Variants in EVI5 observed in about 807,000 individuals in gnomAD.
EVI5 encodes ecotropic viral integration site 5 protein homolog.
EVI5 carries 73 observed loss-of-function variants against 112.0 expected under a neutral mutation model. The ratio of observed to expected loss-of-function variants is 0.65; its 90% CI spans 0.54 to 0.79. The LOEUF (loss-of-function observed/expected upper bound fraction) is 0.79, where lower values mean the gene tolerates loss of function less well. Ranked by LOEUF, EVI5 falls within the 30% of genes least tolerant of loss-of-function variation. EVI5 has a pLI of 0.00. For missense variants in EVI5, 900 were observed against 968.8 expected, an observed-to-expected ratio of 0.93 and a Z score of 0.94; for synonymous variants, 305 against 319.9, an observed-to-expected ratio of 0.95 and a Z score of 0.50.
intron 8 of EVI5, 77 bp from the exon 9 acceptor site, chr1:92,693,976 T>G: frequency 1.1e-6 from 1 of 927,986 alleles, no homozygotes; most frequent in Non-Finnish European, 1.7e-6. Flanking sequence ...TTCAAGAAAT[T>G]ATGGGCTGGG....
At chr1:92,637,446 A>G (rs1659112068) in intron 13 of EVI5, among the ~76,000 whole-genome samples, 1 of 151,834 alleles carries the variant, frequency 6.6e-6, no homozygotes, top group African/African-American at 2.4e-5. Context: ...CAGATGCTGC[A>G]CAAAGAAATT....
rs762232096 is a variant in EVI5 at position 92,624,258 on chromosome 1, A to G, written c.1745T>C (p.Leu582Pro). ...KNAMNELQDE[L>P]MTIRLREAET... ...AGCTTCTCTAAGTCGAATGGTCATCAGTTCATCTTGTAACTCATTCATAGC... is the reference window on the plus strand; with the variant it reads ...AGCTTCTCTAAGTCGAATGGTCATCGGTTCATCTTGTAACTCATTCATAGC... Residue 582 changes from leucine (L) to proline (P), a missense_variant, in exon 16 of 20, where the codon CTG becomes CCG. Transcript: ENST00000684568. 1.7e-5 allele frequency: 28 copies of G among 1,612,510 alleles called. No individual in the cohort carries two copies. Among genetic ancestry groups the G allele is most frequent in the Non-Finnish European group, 2.4e-5 (28 of 1,178,760 alleles).
At chr1:92,713,273 A>C (rs1268488049) in intron 2 of EVI5, among the ~76,000 whole-genome samples, 1 of 151,704 alleles carries the variant, frequency 6.6e-6, no homozygotes, top group African/African-American at 2.4e-5. Context: ...CAATTGCTAC[A>C]TATGGTTACT....
At chr1:92,625,114 GA>G (rs796723241) in intron 15 of EVI5, among the ~76,000 whole-genome samples, 1 of 151,530 alleles carries the variant, frequency 6.6e-6, no homozygotes, top group Non-Finnish European at 1.5e-5. Flanking sequence ...CAATACATTA[GA>G]AAAAAAATGG....
chr1:92,693,345 C>T (rs1669797899), intron 9 of EVI5, among the ~76,000 whole-genome samples: 1 of 151,740 alleles, frequency 6.6e-6, no homozygotes, highest in African/African-American at 2.4e-5. Context: ...ATAATCACAC[C>T]ACTGTACTCC....
rs373938333 is a variant in EVI5, at chr1:92,513,939, G to A, written c.2198C>T (p.Ser733Leu). Residue 733 changes from serine (S) to leucine (L), a missense_variant, in exon 20 of 20, where the codon TCA becomes TTA. Transcript: ENST00000684568. ...GATTCCATCAAAAGGAGGTTGGCCT[G>A]AGAAGCCCCTCTGGCCTTTTAGGCA... ...LRCLKGQRGF[S>L]GQPPFDGIHI... 133 of 1,583,756 alleles carry A rather than the reference G, an allele frequency of 8.4e-5. No homozygotes were observed. Among genetic ancestry groups the A allele is most frequent in the Non-Finnish European group, 1.1e-4 (131 of 1,161,152 alleles).
intron 18 of EVI5, among the ~76,000 whole-genome samples, chr1:92,588,761 T>A (rs1673211955): frequency 6.6e-6 from 1 of 152,244 alleles, no homozygotes; most frequent in African/African-American, 2.4e-5. Context: ...AAACCAATAC[T>A]TCATTTAAAT....
intron 1 of EVI5, among the ~76,000 whole-genome samples, chr1:92,761,933 A>G (rs1053140514): frequency 1.3e-5 from 2 of 151,340 alleles, no homozygotes; most frequent in Non-Finnish European, 2.9e-5. Flanking sequence ...TGCATATTAT[A>G]AGTATTACCA....
intron 1 of EVI5, among the ~76,000 whole-genome samples, chr1:92,760,421 A>G (rs113963620): frequency 0.017 from 2,663 of 152,240 alleles, 82 homozygotes; most frequent in African/African-American, 0.06. Flanking sequence ...CAGCTAGTAT[A>G]CACTAAACAA....
chr1:92,599,202 C>T (rs1648588503), intron 18 of EVI5, among the ~76,000 whole-genome samples: 1 of 151,822 alleles, frequency 6.6e-6, no homozygotes, highest in African/African-American at 2.4e-5. Flanking sequence ...TTCATAACTA[C>T]ATTAAAAAGC....
intron 1 of EVI5, among the ~76,000 whole-genome samples, chr1:92,739,888 A>G (rs568204487): frequency 5.1e-4 from 77 of 152,004 alleles, no homozygotes; most frequent in Non-Finnish European, 7.6e-4. Context: ...ATTGTGGGTA[A>G]AGAGGAACTA....
intron 12 of EVI5, 79 bp downstream of exon 12, chr1:92,663,341 T>C (rs946919064): frequency 2.3e-5 from 15 of 651,314 alleles, no homozygotes; most frequent in Non-Finnish European, 3.2e-5. Context: ...TGCATTAAAA[T>C]ATGAATTTCG....
intron 2 of EVI5, among the ~76,000 whole-genome samples, chr1:92,728,496 T>C (rs1008714716): frequency 2.0e-5 from 3 of 152,156 alleles, no homozygotes; most frequent in Admixed American, 1.3e-4. Flanking sequence ...CAAACAGTTC[T>C]CCTGCCTCAC....
At chr1:92,528,795 T>C (rs1409044966) in intron 19 of EVI5, among the ~76,000 whole-genome samples, 4 of 152,086 alleles carry the variant, frequency 2.6e-5, no homozygotes, top group Non-Finnish European at 5.9e-5. Context: ...AGAGAGAGTG[T>C]GGGAGGAGTA....
intron 11 of EVI5, 67 bp from the exon 12 acceptor site, chr1:92,663,519 A>C: frequency 1.3e-6 from 1 of 761,028 alleles, no homozygotes; most frequent in Non-Finnish European, 2.0e-6. Flanking sequence ...TTAGGAAAAA[A>C]GAAACAAATA....
chr1:92,744,432 T>C (rs1678931333), intron 1 of EVI5, among the ~76,000 whole-genome samples: 1 of 152,198 alleles, frequency 6.6e-6, no homozygotes, highest in Non-Finnish European at 1.5e-5. Flanking sequence ...AATTTGTCTA[T>C]TACTCCTTAC....
chr1:92,685,164 T>G (rs1005807055), intron 9 of EVI5, among the ~76,000 whole-genome samples: 1 of 152,014 alleles, frequency 6.6e-6, no homozygotes. Flanking sequence ...AGTAAAGCAC[T>G]CCTCAGCAAA....
chr1:92,550,584 A>G (rs989875545), intron 19 of EVI5, among the ~76,000 whole-genome samples: 1 of 148,476 alleles, frequency 6.7e-6, no homozygotes, highest in Admixed American at 6.8e-5. Context: ...CGTCTCTACT[A>G]AAAACACAAA....
intron 13 of EVI5, among the ~76,000 whole-genome samples, chr1:92,645,764 C>G (rs1219500320): frequency 6.6e-6 from 1 of 152,162 alleles, no homozygotes; most frequent in Non-Finnish European, 1.5e-5. Context: ...TCCCATTAAT[C>G]TAGTAAATGC....
Sources: gnomAD v4.1 joint callset for allele counts (sites outside exome capture counted in the v4.1 genomes callset) on GRCh38, gnomAD v4.1.1 for gene constraint, MANE v1.5 for transcripts, NCBI Gene and HGNC (gene_info 2026-07-23, HGNC 2026-07-21) for gene names.